GID4: variants seen among roughly 807,000 people sequenced by gnomAD.
GID4 encodes glucose-induced degradation protein 4 homolog.
A neutral mutation model predicts 32.4 loss-of-function variants in GID4; 7 were observed. The observed-to-expected ratio is 0.22, with a 90% CI of 0.12 to 0.41. The LOEUF is 0.41. Among genes scored for constraint, GID4 ranks in the 10% least tolerant of loss-of-function variants. The pLI is 1.00. For missense variants in GID4, 309 were observed against 400.0 expected, an observed-to-expected ratio of 0.77 and a Z score of 1.94; for synonymous variants, 166 against 170.0, an observed-to-expected ratio of 0.98 and a Z score of 0.18.
intron 3 of GID4, chr17:18,056,572 A>G (rs2044969342): frequency 1.2e-6 from 1 of 818,942 alleles, no homozygotes; most frequent in Non-Finnish European, 1.9e-6. Context: ...ATTCAACTCT[A>G]TTTTCCATTT....
chr17:18,052,303 AGGCC>A (rs1433009385), intron 2 of GID4, among the ~76,000 whole-genome samples: 2 of 152,266 alleles, frequency 1.3e-5, no homozygotes, highest in East Asian at 3.9e-4. Context: ...ATCCTAAAGC[AGGCC>A]TCCTGAGCCA....
At chr17:18,057,170 G>T (rs935121196) in intron 3 of GID4, 6 of 1,074,532 alleles carry the variant, frequency 5.6e-6, no homozygotes, top group African/African-American at 1.6e-5. Context: ...GGTGGCTCAT[G>T]CCTGTAATGC....
intron 2 of GID4, among the ~76,000 whole-genome samples, chr17:18,045,651 T>C (rs916311682): frequency 1.3e-5 from 2 of 151,918 alleles, no homozygotes; most frequent in African/African-American, 4.8e-5. Context: ...TCGCAACACT[T>C]TGGGAGCCTG....
At chr17:18,054,302 A>G (rs1303690606) in intron 3 of GID4, 68 bp downstream of exon 3, 9 of 993,276 alleles carry the variant, frequency 9.1e-6, no homozygotes, top group African/African-American at 6.5e-5. Flanking sequence ...GCTGGGAGCC[A>G]GAGACCTTGT....
chr17:18,041,718 T>TA (rs750659669), intron 1 of GID4, among the ~76,000 whole-genome samples: 2 of 152,154 alleles, frequency 1.3e-5, no homozygotes, highest in Non-Finnish European at 2.9e-5. Flanking sequence ...TCTGATGTAG[T>TA]AGGGGACAAT....
chr17:18,061,757 T>C lies in GID4; in HGVS notation c.709-88T>C. 7.7e-7 allele frequency: 1 copy of C among 1,295,520 alleles called. No homozygotes were observed. The allele number at this position is 1,295,520 out of a possible 1,614,324, so 80.3% of individuals were successfully genotyped here. On this transcript the variant is annotated intron_variant, in intron 4 of 5. Transcript: ENST00000268719. The surrounding 1 kb of genome is among the most constrained non-coding windows in gnomAD (Gnocchi z 4.4). ...GAGATCCTATATTTTTCTCGAGTGG[T>C]CCTTAGAACCCCCTGATGCTTAACA...
rs530239297 is a variant in GID4 at position 18,067,132 on chromosome 17, T to C, written c.*1889T>C. 114 of 152,494 alleles carry C rather than the reference T, an allele frequency of 7.5e-4. No homozygotes were observed. Among genetic ancestry groups the C allele is most frequent in the African/African-American group, 2.5e-3 (105 of 41,570 alleles). The allele number at this position is 152,494 out of a possible 1,614,324, so 9.4% of individuals were successfully genotyped here. A position where few individuals can be genotyped will look rare whatever the true frequency, so the allele number is the denominator to read the frequency against. On this transcript the variant is annotated 3_prime_UTR_variant, in exon 6 of 6. Coordinates refer to ENST00000268719, the MANE Select transcript of GID4 (RefSeq NM_024052.5). ...GAGCTGATGGCCTTGGTTGAGCTGA[T>C]GGACAAGTGAAGGAGGCCATGGGGC...
rs769163999 is a variant in GID4 at position 18,039,839 on chromosome 17, C to T, written c.375C>T (p.Gly125=). The T allele has an allele frequency of 1.9e-6, 3 of 1,552,384 alleles. No individual in the cohort carries two copies. Among genetic ancestry groups the T allele is most frequent in the African/African-American group, 1.4e-5 (1 of 70,780 alleles). ...PGVATSLLYS[G]SKFRGHQKSK... The stretch of plus-strand genomic sequence containing the variant: ...TGGCCACCAGCCTGCTCTACAGCGG[C>T]TCCAAGTTCCGCGGCCACCAGAAGA... Residue 125 remains glycine, a synonymous_variant, in exon 1 of 6, where the codon GGC becomes GGT. Transcript: ENST00000268719. This position sits in a 1 kb window ranked among gnomAD's most constrained non-coding sequence, Gnocchi z 5.3.
intron 2 of GID4, among the ~76,000 whole-genome samples, chr17:18,051,960 G>A (rs1001721254): frequency 6.6e-6 from 1 of 151,280 alleles, no homozygotes; most frequent in South Asian, 2.1e-4. Flanking sequence ...TGTAATCCCA[G>A]CTACTTGGGA....
At chr17:18,049,935 G>T (rs1019173150) in intron 2 of GID4, among the ~76,000 whole-genome samples, 1 of 152,032 alleles carries the variant, frequency 6.6e-6, no homozygotes, top group Non-Finnish European at 1.5e-5. Context: ...CCTTCTTTGA[G>T]CCCATGAGTT....
At chr17:18,045,579 G>A (rs2145551885) in intron 2 of GID4, among the ~76,000 whole-genome samples, 2 of 152,124 alleles carry the variant, frequency 1.3e-5, no homozygotes, top group Middle Eastern at 6.8e-3. Context: ...AGTTCTTTAA[G>A]CCTCTTAGTT....
At position 18,058,945 on chromosome 17, in the gene GID4, A is replaced by G; in HGVS notation, c.684A>G (p.Gly228=). ...TTGATTATGAAGAGCTGAAGAATGG[A>G]GACTACGTCTTCATGAGGTGGAAGG... ...DDFDYEELKN[G]DYVFMRWKEQ... The change falls in exon 4 of 6, where the codon GGA becomes GGG. Residue 228 remains glycine, a synonymous_variant. Coordinates refer to ENST00000268719, the MANE Select transcript of GID4 (RefSeq NM_024052.5). 1 of 1,610,840 alleles carries G rather than the reference A, an allele frequency of 6.2e-7. No individual in the cohort carries two copies. Among genetic ancestry groups the G allele is most frequent in the Admixed American group, 1.7e-5 (1 of 60,020 alleles).
intron 3 of GID4, among the ~76,000 whole-genome samples, chr17:18,054,562 A>T (rs989912140): frequency 5.3e-5 from 8 of 151,984 alleles, no homozygotes; most frequent in Non-Finnish European, 1.0e-4. Context: ...TTCCTTTCAA[A>T]TCACCTCTGC....
intron 5 of GID4, among the ~76,000 whole-genome samples, chr17:18,064,518 C>A (rs1381958063): frequency 1.3e-5 from 2 of 152,106 alleles, no homozygotes; most frequent in East Asian, 1.9e-4. Flanking sequence ...AGCCAACTTG[C>A]TAGACATTGA....
Position 18,058,987 on chromosome 17 carries a change from G to A in GID4, c.708+18G>A, listed in dbSNP as rs1441868061. ...GGTGGAAGGTAAGTTCCCACCAGGT[G>A]GCCCTCCAGACTCCCAGCAAGCCAG... On this transcript the variant is annotated intron_variant, in intron 4 of 5. Coordinates refer to ENST00000268719, the MANE Select transcript of GID4 (RefSeq NM_024052.5). 6.7e-7 allele frequency: 1 copy of A among 1,481,694 alleles called. No homozygotes were observed. The highest frequency in any genetic ancestry group is 2.3e-5 in the East Asian group (1 of 44,274). The allele number at this position is 1,481,694 out of a possible 1,614,324, so 91.8% of individuals were successfully genotyped here.
chr17:18,055,165 C>T (rs936501377), intron 3 of GID4, among the ~76,000 whole-genome samples: 2 of 145,808 alleles, frequency 1.4e-5, no homozygotes, highest in Non-Finnish European at 3.0e-5. Flanking sequence ...AGTGAGACTC[C>T]GTCTCAAAAA....
Position 18,058,991 on chromosome 17 carries a change from C to T in GID4, c.708+22C>T, listed in dbSNP as rs757218911. ...GAAGGTAAGTTCCCACCAGGTGGCC[C>T]TCCAGACTCCCAGCAAGCCAGGCCC... On this transcript the variant is annotated intron_variant, in intron 4 of 5. Transcript: ENST00000268719. The T allele has an allele frequency of 2.8e-6, 4 of 1,418,052 alleles. No individual in the cohort carries two copies. The Admixed American group carries it at 6.7e-5, about 24-fold the overall frequency. The allele number at this position is 1,418,052 out of a possible 1,614,324, so 87.8% of individuals were successfully genotyped here. A position where few individuals can be genotyped will look rare whatever the true frequency, so the allele number is the denominator to read the frequency against.
rs763125687 is a variant in GID4 at position 18,039,737 on chromosome 17, C to G, written c.273C>G (p.Pro91=). 6.5e-7 allele frequency: 1 copy of G among 1,531,110 alleles called. No individual in the cohort carries two copies. The highest frequency in any genetic ancestry group is 8.8e-7 in the Non-Finnish European group (1 of 1,140,822). The allele number at this position is 1,531,110 out of a possible 1,614,324, so 94.8% of individuals were successfully genotyped here. A position where few individuals can be genotyped will look rare whatever the true frequency, so the allele number is the denominator to read the frequency against. ...CGATGCCGGTCCGCACCGAGTGTCC[C>G]CCGCCGGCCGGTGCCTCCGCTGCCT... ...DPAMPVRTEC[P]PPAGASAASA... is the part of the protein sequence containing the mutation. Residue 91 remains proline, a synonymous_variant, in exon 1 of 6, where the codon CCC becomes CCG. Coordinates refer to ENST00000268719, the MANE Select transcript of GID4 (RefSeq NM_024052.5). The surrounding 1 kb of genome is among the most constrained non-coding windows in gnomAD (Gnocchi z 5.3).
rs953791498 is a variant in GID4 at position 18,065,938 on chromosome 17, G to A, written c.*695G>A. Reference sequence around the variant, plus strand: ...CTAAATTTAAGGCTTCCAGATCCCTGGCAGGAACAGATTCCAGTCCTGCTT... The same window carrying A: ...CTAAATTTAAGGCTTCCAGATCCCTAGCAGGAACAGATTCCAGTCCTGCTT... On this transcript the variant is annotated 3_prime_UTR_variant, in exon 6 of 6. Transcript: ENST00000268719. The A allele has an allele frequency of 3.9e-5, 6 of 152,380 alleles. No individual in the cohort carries two copies. In the East Asian group the frequency reaches 1.2e-3, roughly 29 times the overall value. 9.4% of individuals were successfully genotyped at this position (152,380 alleles called of 1,614,324 possible).
Sources: allele counts gnomAD v4.1 joint callset (sites outside exome capture counted in the v4.1 genomes callset), GRCh38; gene constraint gnomAD v4.1.1; non-coding constraint Gnocchi (gnomAD v3.1); transcripts MANE v1.5; gene names NCBI Gene and HGNC (gene_info 2026-07-23, HGNC 2026-07-21).